ZHX3: variants seen among roughly 807,000 people sequenced by gnomAD.
ZHX3 encodes zinc fingers and homeoboxes 3.
ZHX3 carries 20 observed loss-of-function variants against 64.5 expected under a neutral mutation model. The ratio of observed to expected loss-of-function variants is 0.31; its 90% CI spans 0.22 to 0.45. The LOEUF is 0.45. ZHX3 is among the 20% of genes least tolerant of loss of function. The pLI, the probability that ZHX3 is intolerant of heterozygous loss-of-function variation, is 1.00. For synonymous variants in ZHX3, 423 were observed against 461.6 expected (o/e 0.92, Z 1.07); for missense variants, 1,041 against 1,195.8 (o/e 0.87, Z 1.91).
At chr20:41,225,523 TGTC>T (rs2040207489) in intron 2 of ZHX3, among the ~76,000 whole-genome samples, 1 of 152,238 alleles carries the variant, frequency 6.6e-6, no homozygotes, top group Admixed American at 6.5e-5. Context: ...GTCTCACTCT[TGTC>T]GCTCAGGTTG....
chr20:41,190,004 T>C (rs2036869604), intron 3 of ZHX3, among the ~76,000 whole-genome samples: 1 of 151,906 alleles, frequency 6.6e-6, no homozygotes, highest in Non-Finnish European at 1.5e-5. Flanking sequence ...GTTTTCTGAG[T>C]GTTTTTTTTT....
At position 41,214,165 on chromosome 20, in the gene ZHX3, G is replaced by C. The variant is rs554743356; in HGVS notation, c.-150-9099C>G. On this transcript the variant is annotated intron_variant, in intron 2 of 3. Transcript: ENST00000683867. The stretch of plus-strand genomic sequence containing the variant: ...GGTACCACTGCTAACCATGTTCTGG[G>C]TAGATGGACCATTGACTATAAGCAA... 5.3e-5 allele frequency among the ~76,000 whole-genome samples: 8 copies of C among 152,260 alleles called. No individual in the cohort carries two copies. The East Asian group carries it at 7.7e-4, about 15-fold the overall frequency.
chr20:41,207,365 C>T (rs1434695190), intron 2 of ZHX3, among the ~76,000 whole-genome samples: 1 of 152,184 alleles, frequency 6.6e-6, no homozygotes. Flanking sequence ...CTACAGAACT[C>T]TCCACCCCAA....
At chr20:41,247,249 C>T (rs1356839474) in intron 2 of ZHX3, among the ~76,000 whole-genome samples, 1 of 152,190 alleles carries the variant, frequency 6.6e-6, no homozygotes, top group African/African-American at 2.4e-5. Context: ...GCCTGGGTGA[C>T]AGAGGGAGAA....
chr20:41,252,406 C>T (rs1315017053), intron 2 of ZHX3, among the ~76,000 whole-genome samples: 4 of 152,154 alleles, frequency 2.6e-5, no homozygotes, highest in Non-Finnish European at 4.4e-5. Context: ...TGAGCTAGTT[C>T]CTGTGTTTTC....
At chr20:41,304,786 C>A (rs2044925911) in intron 1 of ZHX3, among the ~76,000 whole-genome samples, 1 of 152,202 alleles carries the variant, frequency 6.6e-6, no homozygotes, top group Non-Finnish European at 1.5e-5. Context: ...TCCTCTATAT[C>A]CCCAGCATCT....
chr20:41,316,970 C>T (rs2045305834), intron 1 of ZHX3: 1 of 152,456 alleles, frequency 6.6e-6, no homozygotes, highest in Admixed American at 6.5e-5. Context: ...GGTTCGAGTC[C>T]TGGCTCTGCC....
intron 1 of ZHX3, among the ~76,000 whole-genome samples, chr20:41,294,812 G>A (rs1305901823): frequency 2.0e-5 from 3 of 152,002 alleles, no homozygotes; most frequent in Admixed American, 6.6e-5. Context: ...GGGTTCAGGC[G>A]ATCCTCCCAC....
At chr20:41,264,778 G>A (rs1400566516) in intron 2 of ZHX3, among the ~76,000 whole-genome samples, 3 of 151,938 alleles carry the variant, frequency 2.0e-5, no homozygotes, top group Admixed American at 6.6e-5. Context: ...CCGAACTTAC[G>A]CTCAAAAATT....
chr20:41,286,949 TG>T (rs56299550), intron 1 of ZHX3, among the ~76,000 whole-genome samples: 60,231 of 151,954 alleles, frequency 0.4, 12,390 homozygotes, highest in East Asian at 0.75. Flanking sequence ...AGATAGTGCC[TG>T]GCTTCCCCTT....
chr20:41,314,944 T>A (rs2045243717), intron 1 of ZHX3, among the ~76,000 whole-genome samples: 1 of 152,156 alleles, frequency 6.6e-6, no homozygotes, highest in African/African-American at 2.4e-5. Flanking sequence ...GTCTCACACT[T>A]CAGGGTTAAT....
At chr20:41,250,125 A>C (rs1487944497) in intron 2 of ZHX3, among the ~76,000 whole-genome samples, 1 of 152,266 alleles carries the variant, frequency 6.6e-6, no homozygotes, top group African/African-American at 2.4e-5. Context: ...CTCTACCTAG[A>C]TATCAGGCAG....
At position 41,206,347 on chromosome 20, in the gene ZHX3, A is replaced by C. The variant is rs146613464; in HGVS notation, c.-150-1281T>G. ...GGGCTTCAGACGATCAGTAATAACA[A>C]ACTTCTCTGAGCTAAAGGAGGATGC... is the stretch of plus-strand genomic sequence containing the variant. On this transcript the variant is annotated intron_variant, in intron 2 of 3. Transcript: ENST00000683867. 1.1e-4 allele frequency among the ~76,000 whole-genome samples: 16 copies of C among 152,310 alleles called. No homozygotes were observed. In the East Asian group the frequency reaches 3.1e-3, roughly 29 times the overall value.
intron 3 of ZHX3, among the ~76,000 whole-genome samples, chr20:41,199,023 G>T: frequency 6.6e-6 from 1 of 151,610 alleles, no homozygotes; most frequent in Non-Finnish European, 1.5e-5. Flanking sequence ...TCCCTCTAGT[G>T]GGTTTTCCAT....
chr20:41,192,950 A>G (rs2037164558), intron 3 of ZHX3, among the ~76,000 whole-genome samples: 1 of 152,096 alleles, frequency 6.6e-6, no homozygotes, highest in African/African-American at 2.4e-5. Context: ...TCTCTCACTT[A>G]CCTTTTCCCC....
At chr20:41,288,521 T>C (rs1568946992) in intron 1 of ZHX3, among the ~76,000 whole-genome samples, 1 of 152,228 alleles carries the variant, frequency 6.6e-6, no homozygotes, top group Non-Finnish European at 1.5e-5. Context: ...GATCTTGAGA[T>C]GTTTCCCTAG....
chr20:41,203,721 G>C lies in ZHX3; in HGVS notation c.1196C>G (p.Ala399Gly). The C allele has an allele frequency of 6.2e-7, 1 of 1,614,242 alleles. No homozygotes were observed. Among genetic ancestry groups the C allele is most frequent in the Non-Finnish European group, 8.5e-7 (1 of 1,180,044 alleles). Residue 399 changes from alanine to glycine, a missense_variant, in exon 3 of 4, where the codon GCT (alanine) becomes GGT (glycine). This residue lies in a region of ZHX3 where 649 missense variants were observed against 739.8 expected (regional missense o/e 0.88). Transcript: ENST00000683867. The surrounding 1 kb of genome is among the most constrained non-coding windows in gnomAD (Gnocchi z 7.1). ...CTGGATGAGATGCTGGACATTGCCA[G>C]CACTGGCGACGAGTGGGGTATTTAG... ...TVLNTPLVAS[A>G]GNVQHLIQAA...
At chr20:41,229,807 AC>A (rs1028391553) in intron 2 of ZHX3, among the ~76,000 whole-genome samples, 1 of 152,056 alleles carries the variant, frequency 6.6e-6, no homozygotes, top group Non-Finnish European at 1.5e-5. Context: ...TCTAGATATT[AC>A]CCCTTTATTA....
intron 3 of ZHX3, among the ~76,000 whole-genome samples, chr20:41,186,720 A>T (rs548351998): frequency 6.6e-6 from 1 of 152,240 alleles, no homozygotes. Context: ...TGTGGTTTTG[A>T]TTTGCATTTC....
Sources: allele counts gnomAD v4.1 joint callset (sites outside exome capture counted in the v4.1 genomes callset), GRCh38; gene constraint gnomAD v4.1.1; regional missense constraint gnomAD v4.1.1; non-coding constraint Gnocchi (gnomAD v3.1); transcripts MANE v1.5; gene names NCBI Gene and HGNC (gene_info 2026-07-23, HGNC 2026-07-21).